The following IQCK variants were observed in gnomAD, a reference collection of about 807,000 sequenced individuals.
IQCK encodes the protein IQ motif containing K.
In IQCK, 29 loss-of-function variants were observed where a neutral mutation model predicts 28.1. That is an observed-to-expected ratio of 1.03 (90% CI 0.77 to 1.41). The LOEUF is 1.41. IQCK is among the 40% of genes most tolerant of loss of function. IQCK has a pLI of 0.00. For synonymous variants in IQCK, 113 were observed against 115.1 expected, an observed-to-expected ratio of 0.98 and a Z score of 0.12; for missense variants, 359 against 314.7, an observed-to-expected ratio of 1.14 and a Z score of -1.07.
chr16:19,740,918 A>G (rs1345206131), intron 4 of IQCK, among the ~76,000 whole-genome samples: 2 of 151,796 alleles, frequency 1.3e-5, no homozygotes, highest in Non-Finnish European at 2.9e-5. Context: ...CAGTGAGCCA[A>G]GATCGTGCCA....
At chr16:19,718,605 C>G in intron 1 of IQCK, 118 bp downstream of exon 1, 1 of 927,542 alleles carries the variant, frequency 1.1e-6, no homozygotes. Flanking sequence ...GGCAGCGGCT[C>G]CGCGGGCCCG....
rs1282680371 is a variant in IQCK at position 19,778,328 on chromosome 16, G to A, written c.606-10510G>A. ...TAAGCCCTTATCCTGTGGGCTCCCTGTGGGCCTTCTGTGGGGTCTGCACTA... is the reference window on the plus strand; with the variant it reads ...TAAGCCCTTATCCTGTGGGCTCCCTATGGGCCTTCTGTGGGGTCTGCACTA... On this transcript the variant is annotated intron_variant, in intron 6 of 7. Coordinates refer to ENST00000564186, the Ensembl canonical transcript of IQCK. 2.6e-5 allele frequency among the ~76,000 whole-genome samples: 4 copies of A among 152,244 alleles called. No individual in the cohort carries two copies. In the East Asian group the frequency reaches 7.7e-4, roughly 29 times the overall value.
chr16:19,849,724 G>C (rs111570424), intron 9 of IQCK, among the ~76,000 whole-genome samples: 1,792 of 150,674 alleles, frequency 0.012, 35 homozygotes, highest in African/African-American at 0.042. Context: ...ATTGCACCAT[G>C]TACTTCAGCC....
intron 6 of IQCK, among the ~76,000 whole-genome samples, chr16:19,786,138 C>A (rs1236246200): frequency 6.6e-6 from 1 of 152,178 alleles, no homozygotes; most frequent in Admixed American, 6.5e-5. Context: ...CAAGGTCTCT[C>A]TAGAAGCTGT....
chr16:19,818,347 TGTG>T (rs2056017649), intron 7 of IQCK, among the ~76,000 whole-genome samples: 1 of 146,928 alleles, frequency 6.8e-6, no homozygotes, highest in Admixed American at 6.8e-5. Context: ...CACACTACTT[TGTG>T]TGTGTGTGTG....
chr16:19,766,325 T>C (rs1357066189), intron 6 of IQCK, among the ~76,000 whole-genome samples: 1 of 152,202 alleles, frequency 6.6e-6, no homozygotes, highest in Non-Finnish European at 1.5e-5. Context: ...AGTGTTGTAA[T>C]TCAAATGTTA....
intron 9 of IQCK, among the ~76,000 whole-genome samples, chr16:19,844,178 C>G (rs528263597): frequency 6.6e-6 from 1 of 151,906 alleles, no homozygotes; most frequent in South Asian, 2.1e-4. Context: ...CTCCCAGGCT[C>G]AAGGGATTCT....
intron 6 of IQCK, among the ~76,000 whole-genome samples, chr16:19,777,782 G>A (rs2055415234): frequency 6.6e-6 from 1 of 152,176 alleles, no homozygotes; most frequent in Non-Finnish European, 1.5e-5. Flanking sequence ...CGGGCACGGT[G>A]GCTCACGCCT....
intron 1 of IQCK, among the ~76,000 whole-genome samples, chr16:19,726,770 C>G (rs1480437920): frequency 6.6e-6 from 1 of 152,148 alleles, no homozygotes. Context: ...AGCCAGTATT[C>G]TGTGGGGAAA....
intron 7 of IQCK, among the ~76,000 whole-genome samples, chr16:19,812,717 T>A (rs1327811603): frequency 1.3e-5 from 2 of 152,168 alleles, no homozygotes; most frequent in Admixed American, 1.3e-4. Flanking sequence ...TACAATCAAC[T>A]GGAAAATCCA....
At chr16:19,808,981 C>T (rs1295609960) in intron 7 of IQCK, among the ~76,000 whole-genome samples, 1 of 152,218 alleles carries the variant, frequency 6.6e-6, no homozygotes, top group African/African-American at 2.4e-5. Flanking sequence ...CCTCAGCCTC[C>T]CAAGTAGCCT....
intron 7 of IQCK, among the ~76,000 whole-genome samples, chr16:19,824,930 A>G (rs2141088236): frequency 6.6e-6 from 1 of 152,276 alleles, no homozygotes; most frequent in African/African-American, 2.4e-5. Context: ...GGTGAACTCT[A>G]GTTCGTCCTT....
At chr16:19,855,039 A>C (rs1437572879) in intron 9 of IQCK, among the ~76,000 whole-genome samples, 1 of 152,240 alleles carries the variant, frequency 6.6e-6, no homozygotes, top group Non-Finnish European at 1.5e-5. Flanking sequence ...ACGCAAAACC[A>C]AATAAATACA....
At chr16:19,784,479 C>A (rs374076781) in intron 6 of IQCK, among the ~76,000 whole-genome samples, 1 of 152,132 alleles carries the variant, frequency 6.6e-6, no homozygotes, top group Non-Finnish European at 1.5e-5. Context: ...AACAAAATCA[C>A]GTGTAGAAAA....
chr16:19,750,447 G>T (rs1004451567), intron 4 of IQCK, among the ~76,000 whole-genome samples: 1 of 148,446 alleles, frequency 6.7e-6, no homozygotes, highest in Non-Finnish European at 1.5e-5. Context: ...AGAATTTTGT[G>T]TTTTTTTGTT....
At chr16:19,858,444 A>G (rs574633133) in exon 10 of IQCK, 1 of 660,826 alleles carries the variant, frequency 1.5e-6, no homozygotes, top group African/African-American at 1.8e-5. Flanking sequence ...ATATGCTTGG[A>G]CAATAAAGAA....
At chr16:19,779,953 G>A (rs1434956300) in intron 6 of IQCK, among the ~76,000 whole-genome samples, 1 of 151,258 alleles carries the variant, frequency 6.6e-6, no homozygotes, top group South Asian at 2.1e-4. Context: ...TCCTGACCTC[G>A]TGATCCACCC....
At chr16:19,815,672 A>G (rs1441482134) in intron 7 of IQCK, among the ~76,000 whole-genome samples, 1 of 152,218 alleles carries the variant, frequency 6.6e-6, no homozygotes, top group Non-Finnish European at 1.5e-5. Flanking sequence ...TCCTGTCTCA[A>G]AAACCAAAAA....
chr16:19,755,288 T>A (rs935658146), intron 4 of IQCK, among the ~76,000 whole-genome samples: 28 of 152,210 alleles, frequency 1.8e-4, no homozygotes, highest in African/African-American at 6.5e-4. Flanking sequence ...TACAAGTGAT[T>A]GAACCAGGAA....
Sources: allele counts gnomAD v4.1 joint callset (sites outside exome capture counted in the v4.1 genomes callset), GRCh38; gene constraint gnomAD v4.1.1; transcripts MANE v1.5; gene names NCBI Gene and HGNC (gene_info 2026-07-23, HGNC 2026-07-21).